EFHC2: variants seen among roughly 807,000 people sequenced by gnomAD.
The protein encoded by EFHC2 is EF-hand domain-containing family member C2.
In EFHC2, 18 loss-of-function variants were observed where a neutral mutation model predicts 52.7. That is an observed-to-expected ratio of 0.34 (90% CI 0.24 to 0.51). EFHC2 has a LOEUF of 0.51. Ranked by LOEUF, EFHC2 falls within the 20% of genes least tolerant of loss-of-function variation. EFHC2 has a pLI of 0.97. For missense variants in EFHC2, 513 were observed against 562.5 expected (o/e 0.91, Z 0.89); for synonymous variants, 203 against 204.1 (o/e 0.99, Z 0.04).
chrX:44,319,294 C>A lies in EFHC2; in HGVS notation c.43-6538G>T, dbSNP rs941837589. Among the ~76,000 whole-genome samples, 63 of 111,164 alleles carry A rather than the reference C, an allele frequency of 5.7e-4. No individual in the cohort carries two copies. In the Middle Eastern group the frequency reaches 0.023, roughly 41 times the overall value. On this transcript the variant is annotated intron_variant, in intron 1 of 14. Transcript: ENST00000420999. ...CTGGGATTATAGGTATAAGCCACTG[C>A]GCCGGGCACAAAAGACTTTTAAAGA... is the stretch of plus-strand genomic sequence containing the variant.
intron 2 of EFHC2, among the ~76,000 whole-genome samples, chrX:44,304,359 A>T (rs1231407442): frequency 1.2e-4 from 13 of 112,206 alleles, no homozygotes. Flanking sequence ...TGAGGCTCAG[A>T]GAGGTAAAGT....
chrX:44,322,785 T>A (rs1488567032), intron 1 of EFHC2, among the ~76,000 whole-genome samples: 2 of 111,602 alleles, frequency 1.8e-5, no homozygotes, highest in African/African-American at 6.5e-5. Context: ...AGAGCTCCAA[T>A]AAAAAGGGAC....
intron 8 of EFHC2, among the ~76,000 whole-genome samples, 160 bp downstream of exon 8, chrX:44,241,961 T>A (rs73628329): frequency 0.028 from 3,129 of 112,297 alleles, 112 homozygotes; most frequent in African/African-American, 0.098. Flanking sequence ...AACCTGTTAA[T>A]ACGTGCATGT....
intron 11 of EFHC2, among the ~76,000 whole-genome samples, chrX:44,208,910 G>T (rs2037069846): frequency 1.8e-5 from 2 of 111,002 alleles, no homozygotes; most frequent in South Asian, 7.8e-4. Context: ...AAATTGGAGG[G>T]CTTAGAAACC....
chrX:44,343,514 G>A (rs2038165241), intron 1 of EFHC2, 33 bp downstream of exon 1: 6 of 1,181,505 alleles, frequency 5.1e-6, no homozygotes, highest in Non-Finnish European at 6.8e-6. Flanking sequence ...ACTCCAGCCG[G>A]GAGCTGTGAC....
At chrX:44,168,885 G>T (rs760138079) in intron 13 of EFHC2, among the ~76,000 whole-genome samples, 6 of 110,440 alleles carry the variant, frequency 5.4e-5, no homozygotes, top group Non-Finnish European at 9.5e-5. Flanking sequence ...TAAAATGAAG[G>T]CTCAGGAGTT....
chrX:44,270,907 G>A (rs187741492), intron 3 of EFHC2, among the ~76,000 whole-genome samples: 4 of 111,010 alleles, frequency 3.6e-5, no homozygotes, highest in Admixed American at 1.9e-4. Flanking sequence ...TTGAACCTCA[G>A]TTCTGGTCTC....
At chrX:44,298,816 G>A (rs572629229) in intron 2 of EFHC2, among the ~76,000 whole-genome samples, 4 of 92,292 alleles carry the variant, frequency 4.3e-5, no homozygotes, top group East Asian at 6.8e-4. Flanking sequence ...AGCAGAGACC[G>A]CGCCATTGCA....
chrX:44,176,986 G>A (rs1223204735), intron 12 of EFHC2, among the ~76,000 whole-genome samples: 2 of 112,277 alleles, frequency 1.8e-5, no homozygotes, highest in Non-Finnish European at 3.8e-5. Context: ...TCCAGGCATC[G>A]GGCAAAATTA....
At chrX:44,258,635 G>A (rs1356572466) in intron 4 of EFHC2, among the ~76,000 whole-genome samples, 4 of 110,406 alleles carry the variant, frequency 3.6e-5, no homozygotes, top group Non-Finnish European at 7.6e-5. Flanking sequence ...GGTGGATCAC[G>A]AGGTCAGGAG....
intron 2 of EFHC2, among the ~76,000 whole-genome samples, chrX:44,304,351 AG>A (rs1278601442): frequency 8.9e-6 from 1 of 112,080 alleles, no homozygotes; most frequent in Non-Finnish European, 1.9e-5. Context: ...AAGGAAACTG[AG>A]GCTCAGAGAG....
chrX:44,218,680 G>T (rs911401679), intron 11 of EFHC2, among the ~76,000 whole-genome samples: 7 of 112,044 alleles, frequency 6.2e-5, no homozygotes, highest in African/African-American at 2.3e-4. Context: ...CCAGCCGAAG[G>T]CATCTTAAAC....
intron 14 of EFHC2, among the ~76,000 whole-genome samples, chrX:44,150,675 G>A (rs1402500551): frequency 9.0e-6 from 1 of 111,698 alleles, no homozygotes; most frequent in Non-Finnish European, 1.9e-5. Flanking sequence ...CAGGGTGGCT[G>A]AAGCGGGCAT....
chrX:44,232,562 C>T lies in EFHC2; in HGVS notation c.1539G>A (p.Thr513=), dbSNP rs761348844. 13 of 1,187,649 alleles carry T rather than the reference C, an allele frequency of 1.1e-5. No individual in the cohort carries two copies. The East Asian group carries it at 1.2e-4, about 11-fold the overall frequency. Residue 513 remains threonine, a synonymous_variant, in exon 10 of 15, where the codon ACG becomes ACA. Coordinates refer to ENST00000420999, the MANE Select transcript of EFHC2 (RefSeq NM_025184.4). ...GAAATAGGTAACCATTCACATTCAC[C>T]GTGACTCCAATGTACAGCTCCTCGG... ...IKAEELYIGV[T]VNVNGYLFRL...
chrX:44,325,777 T>G (rs984302652), intron 1 of EFHC2, among the ~76,000 whole-genome samples: 1 of 103,851 alleles, frequency 9.6e-6, no homozygotes, highest in Non-Finnish European at 1.9e-5. Context: ...AGGTGCCTGG[T>G]AAGAATGGGA....
At chrX:44,310,114 C>T in intron 2 of EFHC2, 2 of 701,390 alleles carry the variant, frequency 2.9e-6, no homozygotes, top group Non-Finnish European at 2.3e-6. Context: ...TATCTCTCCT[C>T]GGGCTTCAGG....
intron 11 of EFHC2, among the ~76,000 whole-genome samples, chrX:44,221,188 G>A (rs1310152658): frequency 1.8e-5 from 2 of 111,062 alleles, no homozygotes; most frequent in East Asian, 5.7e-4. Flanking sequence ...TTAATCCCCT[G>A]GCTCTTACAC....
intron 13 of EFHC2, among the ~76,000 whole-genome samples, chrX:44,172,566 C>A (rs373899870): frequency 3.9e-4 from 44 of 111,674 alleles, no homozygotes; most frequent in African/African-American, 1.4e-3. Context: ...TTTGAGGCTG[C>A]AAAAATGAAC....
intron 14 of EFHC2, among the ~76,000 whole-genome samples, chrX:44,158,078 T>C (rs2036622327): frequency 1.8e-5 from 2 of 111,228 alleles, no homozygotes; most frequent in African/African-American, 6.5e-5. Flanking sequence ...GCCTGTGGTC[T>C]TGTTCCTGGT....
Sources: allele counts gnomAD v4.1 joint callset (sites outside exome capture counted in the v4.1 genomes callset), GRCh38; gene constraint gnomAD v4.1.1; transcripts MANE v1.5; gene names NCBI Gene and HGNC (gene_info 2026-07-23, HGNC 2026-07-21).